RFT1: variants seen among roughly 807,000 people sequenced by gnomAD.
The protein encoded by RFT1 is man(5)GlcNAc(2)-PP-dolichol translocation protein RFT1.
In RFT1, 43 loss-of-function variants were observed where a neutral mutation model predicts 62.2. The ratio of observed to expected loss-of-function variants is 0.69; its 90% confidence interval spans 0.54 to 0.89. The LOEUF is 0.89. RFT1 is among the 40% of genes least tolerant of loss of function. RFT1 has a pLI of 0.00. For synonymous variants in RFT1, 262 were observed against 264.6 expected (o/e 0.99, Z 0.10); for missense variants, 605 against 649.9 (o/e 0.93, Z 0.75).
intron 11 of RFT1, among the ~76,000 whole-genome samples, chr3:53,098,354 A>G (rs1392924271): frequency 6.6e-6 from 1 of 152,052 alleles, no homozygotes; most frequent in Non-Finnish European, 1.5e-5. Context: ...TGTGTAGCAA[A>G]CAAAGTCCCC....
chr3:53,068,734 G>T, the RFT1 span, among the ~76,000 whole-genome samples: 1 of 152,308 alleles, frequency 6.6e-6, no homozygotes, highest in East Asian at 1.9e-4. Context: ...AATCCAGAAT[G>T]TACAGATGGT....
rs558967686 is a variant in RFT1, at chr3:53,108,200, C to G, written c.776-1331G>C. Among the ~76,000 whole-genome samples, 381 of 152,054 alleles carry G rather than the reference C, an allele frequency of 2.5e-3. 3 individuals are homozygous for G. Among genetic ancestry groups the G allele is most frequent in the African/African-American group, 8.7e-3 (362 of 41,480 alleles). ...AGTAGCTGGGATTACAGGTGTCCAC[C>G]ACCAAGCCCAGCACTTTTTTTTTTT... On this transcript the variant is annotated intron_variant, in intron 7 of 12. Transcript: ENST00000296292.
At position 53,092,416 on chromosome 3, in the gene RFT1, G is replaced by A. The variant is rs1701020689; in HGVS notation, c.1411C>T (p.Leu471=). The A allele has an allele frequency of 3.1e-6, 5 of 1,608,718 alleles. No individual in the cohort carries two copies. In the African/African-American group the frequency reaches 5.3e-5, roughly 17 times the overall value. ...PLAGLHLSPV[L]LGTFALSGGV... Reference sequence around the variant, plus strand: ...CCACTGAGGGCAAATGTCCCGAGCAGGACTGGCGATAGGTGCAGGCCAGCC... The same window carrying A: ...CCACTGAGGGCAAATGTCCCGAGCAAGACTGGCGATAGGTGCAGGCCAGCC... Residue 471 remains leucine, a synonymous_variant, in exon 12 of 13, where the codon CTG becomes TTG. Coordinates refer to ENST00000296292, the MANE Select transcript of RFT1 (RefSeq NM_052859.4).
rs1244906215 is a variant in RFT1 at position 53,105,755 on chromosome 3, A to G, written c.875T>C (p.Ile292Thr). Reference sequence around the variant, plus strand: ...AAAACTTTCCTCTATTGGCTGGAAAATTAATCTGGCCACAAGGGAGCCAAG... The same window carrying G: ...AAAACTTTCCTCTATTGGCTGGAAAGTTAATCTGGCCACAAGGGAGCCAAG... ...NNLGSLVARL[I>T]FQPIEESFYI... The change falls in exon 9 of 13, where the codon ATT (isoleucine) becomes ACT (threonine). Residue 292 changes from isoleucine to threonine, a missense_variant. Transcript: ENST00000296292. 3 of 1,613,928 alleles carry G rather than the reference A, an allele frequency of 1.9e-6. No individual in the cohort carries two copies. The highest frequency in any genetic ancestry group is 2.5e-6 in the Non-Finnish European group (3 of 1,179,944).
At chr3:53,099,303 C>A in intron 11 of RFT1, 78 bp downstream of exon 11, 1 of 1,235,870 alleles carries the variant, frequency 8.1e-7, no homozygotes. Flanking sequence ...ATGTTCAGAA[C>A]GAAAAGCAAA....
chr3:53,103,403 T>C, intron 10 of RFT1: 1 of 304,388 alleles, frequency 3.3e-6, no homozygotes, highest in Non-Finnish European at 4.8e-6. Flanking sequence ...AGCGGCCTGG[T>C]GTTTCAAAAT....
rs183106989 is a variant in RFT1 at position 53,091,054 on chromosome 3, G to C, written c.*849C>G. On this transcript the variant is annotated 3_prime_UTR_variant, in exon 13 of 13. Coordinates refer to ENST00000296292, the MANE Select transcript of RFT1 (RefSeq NM_052859.4). ...CTGTTAAACCTTATCTGTCACCAGT[G>C]CAATTCCCATGTGAGAAGTTACAGA... The C allele has an allele frequency of 6.6e-6, 1 of 152,320 alleles. No homozygotes were observed. Among genetic ancestry groups the C allele is most frequent in the Non-Finnish European group, 1.5e-5 (1 of 68,112 alleles). The allele number at this position is 152,320 out of a possible 1,614,324, so 9.4% of individuals were successfully genotyped here.
Position 53,105,658 on chromosome 3 carries a change from A to G in RFT1, c.957+15T>C, listed in dbSNP as rs1272956616. ...GGAGAATTCACTTGAGAGATGACAT[A>G]AGAACCAACATTACCTGCTTCTGAA... On this transcript the variant is annotated intron_variant, in intron 9 of 12. Transcript: ENST00000296292. 6.2e-7 allele frequency: 1 copy of G among 1,612,934 alleles called. No homozygotes were observed. The highest frequency in any genetic ancestry group is 1.3e-5 in the African/African-American group (1 of 74,998).
At chr3:53,101,946 G>T (rs541366856) in intron 10 of RFT1, among the ~76,000 whole-genome samples, 1 of 151,980 alleles carries the variant, frequency 6.6e-6, no homozygotes, top group Non-Finnish European at 1.5e-5. Flanking sequence ...GGCTGAGGCG[G>T]GAGTCTCTTG....
Position 53,130,373 on chromosome 3 carries a change from C to G in RFT1, c.28G>C (p.Ala10Pro). 1 of 1,563,516 alleles carries G rather than the reference C, an allele frequency of 6.4e-7. No individual in the cohort carries two copies. Among genetic ancestry groups the G allele is most frequent in the Non-Finnish European group, 8.7e-7 (1 of 1,154,232 alleles). The part of the protein sequence containing the change: MGSQEVLGH[A>P]ARLASSGLLL... ...AGACCGGAGGAGGCCAGCCGGGCCG[C>G]GTGGCCCAGCACCTCCTGGCTGCCC... Residue 10 changes from alanine to proline, a missense_variant, in exon 1 of 13, where the codon GCG (alanine) becomes CCG (proline). Coordinates refer to ENST00000296292, the MANE Select transcript of RFT1 (RefSeq NM_052859.4).
the RFT1 span, among the ~76,000 whole-genome samples, chr3:53,075,022 T>C: frequency 6.6e-6 from 1 of 151,926 alleles, no homozygotes; most frequent in Non-Finnish European, 1.5e-5. Context: ...ACTGCATGGC[T>C]CAGGCCCTCA....
At chr3:53,098,027 G>C (rs1453898837) in intron 11 of RFT1, among the ~76,000 whole-genome samples, 1 of 152,326 alleles carries the variant, frequency 6.6e-6, no homozygotes, top group Non-Finnish European at 1.5e-5. Context: ...AAATAGAAGA[G>C]AGAGTAGAAA....
chr3:53,101,278 C>T (rs945170569), intron 10 of RFT1, among the ~76,000 whole-genome samples: 2 of 152,204 alleles, frequency 1.3e-5, no homozygotes, highest in African/African-American at 4.8e-5. Flanking sequence ...ACGGTGACTC[C>T]AGGAAGGGAG....
the RFT1 span, among the ~76,000 whole-genome samples, chr3:53,071,883 C>T: frequency 4.6e-5 from 7 of 152,344 alleles, no homozygotes; most frequent in Admixed American, 2.6e-4. Flanking sequence ...CCTTGCCTCC[C>T]GTGACTGCAG....
intron 10 of RFT1, among the ~76,000 whole-genome samples, chr3:53,102,109 C>T (rs1240006317): frequency 6.6e-6 from 1 of 151,566 alleles, no homozygotes; most frequent in Non-Finnish European, 1.5e-5. Context: ...ACGTGAAGAG[C>T]GCAAGGGGGA....
chr3:53,083,856 C>T (rs1700805341), downstream of RFT1, among the ~76,000 whole-genome samples: 2 of 152,258 alleles, frequency 1.3e-5, no homozygotes, highest in Admixed American at 6.5e-5. Context: ...AGAGATGCCA[C>T]TTGGGGATCT....
In RFT1 at chr3:53,090,888, T is replaced by G. The variant is rs1446685825; in HGVS notation, c.*1015A>C. On this transcript the variant is annotated 3_prime_UTR_variant, in exon 13 of 13. Transcript: ENST00000296292. ...TGTAGCCTGGAGTACCAGGCCCCCA[T>G]GCCTGCCACTCTTGTCCTGGGGCTG... is the stretch of plus-strand genomic sequence containing the variant. 1 of 152,248 alleles carries G rather than the reference T, an allele frequency of 6.6e-6. No homozygotes were observed. The highest frequency in any genetic ancestry group is 1.5e-5 in the Non-Finnish European group (1 of 68,060). 9.4% of individuals were successfully genotyped at this position (152,248 alleles called of 1,614,324 possible).
rs561602179 is a variant in RFT1 at position 53,121,746 on chromosome 3, C to G, written c.511G>C (p.Val171Leu). ...AATCCCCAGTGAGGCAACCACAGCACGAGAAAAGCTGTCAGAACGCTCTTA... is the reference window on the plus strand; with the variant it reads ...AATCCCCAGTGAGGCAACCACAGCAGGAGAAAAGCTGTCAGAACGCTCTTA... ...ILKSVLTAFL[V>L]LWLPHWGLYI... is the part of the protein sequence containing the mutation. Residue 171 changes from valine (V) to leucine (L), a missense_variant, in exon 5 of 13, where the codon GTG becomes CTG. By Grantham distance (32) the Val-to-Leu change is conservative. Transcript: ENST00000296292. 7 of 1,613,938 alleles carry G rather than the reference C, an allele frequency of 4.3e-6. No homozygotes were observed. The highest frequency in any genetic ancestry group is 1.7e-5 in the Admixed American group (1 of 59,982).
At chr3:53,103,384 G>GTT in intron 10 of RFT1, 1 of 464,378 alleles carries the variant, frequency 2.2e-6, no homozygotes, top group Non-Finnish European at 2.8e-6. Context: ...CAAGTGCTGT[G>GTT]AGATCCTCAG....
Sources: allele counts gnomAD v4.1 joint callset (sites outside exome capture counted in the v4.1 genomes callset), GRCh38; gene constraint gnomAD v4.1.1; transcripts MANE v1.5; gene names NCBI Gene and HGNC (gene_info 2026-07-23, HGNC 2026-07-21).